Variants in CACNG1 observed in about 807,000 individuals in gnomAD.
The protein encoded by CACNG1 is calcium voltage-gated channel auxiliary subunit gamma 1, also known as voltage-dependent calcium channel gamma-1 subunit.
In CACNG1, 21 loss-of-function variants were observed where a neutral mutation model predicts 22.0. That is an observed-to-expected ratio of 0.95 (90% CI 0.68 to 1.37). The LOEUF (loss-of-function observed/expected upper bound fraction) is 1.37, where lower values mean the gene tolerates loss of function less well. Among genes scored for constraint, CACNG1 ranks in the 40% most tolerant of loss-of-function variants. The pLI, the probability that CACNG1 is intolerant of heterozygous loss-of-function variation, is 0.00. For synonymous variants in CACNG1, 127 were observed against 129.2 expected, an observed-to-expected ratio of 0.98 and a Z score of 0.12; for missense variants, 291 against 308.6, an observed-to-expected ratio of 0.94 and a Z score of 0.43.
chr17:67,053,918 ACACCACGCTCTCTGC>A (rs2035742415), intron 1 of CACNG1, 63 bp from the exon 2 acceptor site: 1 of 1,026,646 alleles, frequency 9.7e-7, no homozygotes, highest in Non-Finnish European at 1.5e-6. Flanking sequence ...GAGCAGAATG[ACACCACGCTCTCTGC>A]CAGGCCTCTG....
chr17:67,046,095 G>A (rs888946171), intron 1 of CACNG1, among the ~76,000 whole-genome samples: 1 of 152,182 alleles, frequency 6.6e-6, no homozygotes, highest in African/African-American at 2.4e-5. Context: ...CAGGCAGCCA[G>A]GGATCTAATC....
At chr17:67,053,253 T>C (rs1188553024) in intron 1 of CACNG1, among the ~76,000 whole-genome samples, 2 of 152,180 alleles carry the variant, frequency 1.3e-5, no homozygotes, top group Admixed American at 6.5e-5. Context: ...GCCATCCCAA[T>C]GGCCACTCGG....
rs201686961 is a variant in CACNG1, at chr17:67,055,264, C to G, written c.442+24C>G. 8 of 1,602,806 alleles carry G rather than the reference C, an allele frequency of 5.0e-6. No homozygotes were observed. Among genetic ancestry groups the G allele is most frequent in the Non-Finnish European group, 6.8e-6 (8 of 1,172,028 alleles). ...AGGTAGACTGGGGGATCTGCCTGAG[C>G]GCCGGGGCCGGGGGACCATGTCGCG... On this transcript the variant is annotated intron_variant, in intron 3 of 3. Transcript: ENST00000226021. The surrounding 1 kb of genome is among the most constrained non-coding windows in gnomAD (Gnocchi z 4.5).
Position 67,044,580 on chromosome 17 carries a change from C to T in CACNG1, c.-81C>T. 2.3e-6 allele frequency: 2 copies of T among 888,216 alleles called. No homozygotes were observed. 55.0% of individuals were successfully genotyped at this position (888,216 alleles called of 1,614,324 possible). A position where few individuals can be genotyped will look rare whatever the true frequency, so the allele number is the denominator to read the frequency against. ...CTCCCAGCTCGACAACCACTGCCAC[C>T]CCCCAAGCTCGGCTTGTCACCTGCC... On this transcript the variant is annotated 5_prime_UTR_variant, in exon 1 of 4. Coordinates refer to ENST00000226021, the MANE Select transcript of CACNG1 (RefSeq NM_000727.4). The surrounding 1 kb of genome is among the most constrained non-coding windows in gnomAD (Gnocchi z 6.9).
Position 67,054,038 on chromosome 17 carries a change from G to A in CACNG1, c.272G>A (p.Ser91Asn). The A allele has an allele frequency of 6.2e-7, 1 of 1,614,182 alleles. No individual in the cohort carries two copies. The highest frequency in any genetic ancestry group is 8.5e-7 in the Non-Finnish European group (1 of 1,180,010). Residue 91 changes from serine (S) to asparagine (N), a missense_variant, in exon 2 of 4, where the codon AGC becomes AAC. Coordinates refer to ENST00000226021, the MANE Select transcript of CACNG1 (RefSeq NM_000727.4). The surrounding 1 kb of genome is among the most constrained non-coding windows in gnomAD (Gnocchi z 4.6). ...TTCAGGCATTTTAACCCCGGCGAGA[G>A]CTCGGAGATCTTCGAATTCACCACT... ...SYFRHFNPGE[S>N]SEIFEFTTQK...
intron 1 of CACNG1, among the ~76,000 whole-genome samples, chr17:67,046,382 C>T (rs2035696925): frequency 6.6e-6 from 1 of 152,150 alleles, no homozygotes; most frequent in Admixed American, 6.5e-5. Flanking sequence ...TTGCAGTCTG[C>T]TTGTGAGGCA....
Position 67,056,227 on chromosome 17 carries a change from CG to C in CACNG1, c.627del (p.Asn210ThrfsTer64), listed in dbSNP as rs1567767770. The C allele has an allele frequency of 6.2e-7, 1 of 1,614,042 alleles. No homozygotes were observed. Among genetic ancestry groups the C allele is most frequent in the South Asian group, 1.1e-5 (1 of 91,064 alleles). ...GCTGTTCTCCCTGCCTCGAATGCCCCGGAACCCATGGGAGTCCTGCATGGAT... is the reference window on the plus strand; with the variant it reads ...GCTGTTCTCCCTGCCTCGAATGCCCCGAACCCATGGGAGTCCTGCATGGAT... ...LLLFSLPRMP[R>X]NPWESCMDAE... On this transcript the variant is annotated frameshift_variant, in exon 4 of 4. Coordinates refer to ENST00000226021, the MANE Select transcript of CACNG1 (RefSeq NM_000727.4). LOFTEE classifies it high-confidence loss of function. This position sits in a 1 kb window ranked among gnomAD's most constrained non-coding sequence, Gnocchi z 4.3.
chr17:67,045,206 G>C (rs1314421060), intron 1 of CACNG1, among the ~76,000 whole-genome samples: 1 of 152,182 alleles, frequency 6.6e-6, no homozygotes, highest in African/African-American at 2.4e-5. Flanking sequence ...GGCCCCACCT[G>C]CTCACTCTCT....
At chr17:67,049,442 G>A (rs1013782258) in intron 1 of CACNG1, among the ~76,000 whole-genome samples, 4 of 152,200 alleles carry the variant, frequency 2.6e-5, no homozygotes, top group Non-Finnish European at 5.9e-5. Flanking sequence ...CACCGTTTTA[G>A]TCAATACATT....
At chr17:67,046,948 C>T (rs2035700887) in intron 1 of CACNG1, among the ~76,000 whole-genome samples, 1 of 152,216 alleles carries the variant, frequency 6.6e-6, no homozygotes, top group Non-Finnish European at 1.5e-5. Context: ...ACTTGTGACA[C>T]TGAGCACTAC....
chr17:67,045,513 G>A (rs1285178679), intron 1 of CACNG1, among the ~76,000 whole-genome samples: 1 of 147,892 alleles, frequency 6.8e-6, no homozygotes, highest in East Asian at 2.0e-4. Flanking sequence ...TGAGCCACCT[G>A]CCCCCACCTT....
chr17:67,047,377 T>C (rs1441049322), intron 1 of CACNG1, among the ~76,000 whole-genome samples: 1 of 152,202 alleles, frequency 6.6e-6, no homozygotes, highest in African/African-American at 2.4e-5. Context: ...GGAGGACCAG[T>C]GAGTTCTGTG....
At chr17:67,050,173 C>T (rs2035720368) in intron 1 of CACNG1, among the ~76,000 whole-genome samples, 1 of 152,374 alleles carries the variant, frequency 6.6e-6, no homozygotes, top group Non-Finnish European at 1.5e-5. Context: ...CCCATTTTCC[C>T]TACTGGTCCA....
chr17:67,050,469 A>G (rs2035722062), intron 1 of CACNG1, among the ~76,000 whole-genome samples: 1 of 152,272 alleles, frequency 6.6e-6, no homozygotes, highest in Non-Finnish European at 1.5e-5. Context: ...GCTAAAAACA[A>G]CACTGACATC....
chr17:67,052,656 C>T (rs993160275), intron 1 of CACNG1, among the ~76,000 whole-genome samples: 3 of 152,026 alleles, frequency 2.0e-5, no homozygotes, highest in Non-Finnish European at 4.4e-5. Context: ...TGAAGGGCCT[C>T]CACAAATAAA....
rs768096058 is a variant in CACNG1 at position 67,055,071 on chromosome 17, G to A, written c.305-32G>A. 19 of 1,601,108 alleles carry A rather than the reference G, an allele frequency of 1.2e-5. 1 individual carries two copies. Among genetic ancestry groups the A allele is most frequent in the Non-Finnish European group, 1.5e-5 (18 of 1,170,948 alleles). On this transcript the variant is annotated intron_variant, in intron 2 of 3. Transcript: ENST00000226021. This position sits in a 1 kb window ranked among gnomAD's most constrained non-coding sequence, Gnocchi z 4.5. ...GCCATGACAAGAGCTCCCATGCTGA[G>A]GCCGCATGCTGGGTGTCCCTTGTGT...
intron 1 of CACNG1, among the ~76,000 whole-genome samples, chr17:67,048,712 CAATT>C (rs548005244): frequency 7.0e-4 from 106 of 152,024 alleles, no homozygotes; most frequent in Non-Finnish European, 1.1e-3. Flanking sequence ...TAGAAACTAT[CAATT>C]AAGACACAGA....
At chr17:67,051,406 C>G (rs2035727429) in intron 1 of CACNG1, among the ~76,000 whole-genome samples, 1 of 152,138 alleles carries the variant, frequency 6.6e-6, no homozygotes, top group South Asian at 2.1e-4. Flanking sequence ...TTATGGTCTC[C>G]AATGGGCAGC....
At position 67,054,957 on chromosome 17, in the gene CACNG1, CAG is replaced by C. The variant is rs1039445754; in HGVS notation, c.305-144_305-143del. The C allele has an allele frequency of 8.8e-6, 7 of 796,826 alleles. No individual in the cohort carries two copies. The highest frequency in any genetic ancestry group is 2.6e-4 in the Middle Eastern group (1 of 3,780). The allele number at this position is 796,826 out of a possible 1,614,324, so 49.4% of individuals were successfully genotyped here. On this transcript the variant is annotated intron_variant, in intron 2 of 3. Transcript: ENST00000226021. This position sits in a 1 kb window ranked among gnomAD's most constrained non-coding sequence, Gnocchi z 4.6. ...CACACATACAATGACACACACAAGA[CAG>C]ACACAGAGACACACACTTGACACAC... is the stretch of plus-strand genomic sequence containing the variant.
Sources: gnomAD v4.1 joint callset for allele counts (sites outside exome capture counted in the v4.1 genomes callset) on GRCh38, gnomAD v4.1.1 for gene constraint, Gnocchi (gnomAD v3.1) non-coding constraint, MANE v1.5 for transcripts, NCBI Gene and HGNC (gene_info 2026-07-23, HGNC 2026-07-21) for gene names.